Variants in FCN2 observed in about 807,000 individuals in gnomAD.
FCN2 encodes the protein ficolin 2, also known as ficolin-2.
A neutral mutation model predicts 32.5 loss-of-function variants in FCN2; 31 were observed. The observed-to-expected ratio is 0.96, with a 90% CI of 0.72 to 1.29. The LOEUF is 1.29. FCN2 is among the 50% of genes most tolerant of loss of function. FCN2 has a pLI of 0.00. For synonymous variants in FCN2, 181 were observed against 164.5 expected (o/e 1.10, Z -0.77); for missense variants, 412 against 406.5 (o/e 1.01, Z -0.12).
At chr9:134,876,196 C>A (rs1830602313), upstream of FCN2, among the ~76,000 whole-genome samples, 1 of 152,126 alleles carries the variant, frequency 6.6e-6, no homozygotes, top group Non-Finnish European at 1.5e-5. Context: ...ATTGTGGTAT[C>A]TATGTTCATG....
chr9:134,879,206 C>G (rs1357694955), upstream of FCN2, among the ~76,000 whole-genome samples: 2 of 152,202 alleles, frequency 1.3e-5, no homozygotes, highest in Admixed American at 6.5e-5. Flanking sequence ...AAATCAATTA[C>G]TCAATTGGCC....
chr9:134,883,825 G>A (rs1830703205), intron 3 of FCN2, among the ~76,000 whole-genome samples: 1 of 132,222 alleles, frequency 7.6e-6, no homozygotes, highest in Admixed American at 7.8e-5. Flanking sequence ...ATTCGGGGAG[G>A]GACTTTTAGT....
Position 134,882,619 on chromosome 9 carries a change from C to T in FCN2, c.194C>T (p.Ala65Val). The T allele has an allele frequency of 6.2e-7, 1 of 1,613,120 alleles. No individual in the cohort carries two copies. The highest frequency in any genetic ancestry group is 8.5e-7 in the Non-Finnish European group (1 of 1,179,176). The change falls in exon 2 of 8, where the codon GCA (alanine) becomes GTA (valine). Residue 65 changes from alanine to valine, a missense_variant. Physicochemically the swap from Ala to Val is moderately conservative, Grantham distance 64. Transcript: ENST00000291744. ...GGGGCCCCTGGGCCCAAGGGAGAGG[C>T]AGGCACCAATGGAAAGAGAGGTAGG... ...LPGAPGPKGE[A>V]GTNGKRGERG... is the part of the protein sequence containing the mutation.
the FCN2 span, among the ~76,000 whole-genome samples, chr9:134,869,413 C>T: frequency 6.6e-6 from 1 of 152,196 alleles, no homozygotes; most frequent in African/African-American, 2.4e-5. Flanking sequence ...ACCTGTTTTC[C>T]TTCTGATCAG....
At chr9:134,875,551 C>T in the FCN2 span, among the ~76,000 whole-genome samples, 30 of 152,196 alleles carry the variant, frequency 2.0e-4, no homozygotes, top group African/African-American at 6.5e-4. Context: ...TCCCATCTTG[C>T]TGGTCTTGTT....
chr9:134,879,749 T>C (rs1328287752), upstream of FCN2, among the ~76,000 whole-genome samples: 1 of 152,210 alleles, frequency 6.6e-6, no homozygotes, highest in Non-Finnish European at 1.5e-5. Context: ...ATTTTGTTTC[T>C]CGCGTGGCTT....
upstream of FCN2, among the ~76,000 whole-genome samples, chr9:134,876,421 C>A (rs1830604058): frequency 6.6e-6 from 1 of 152,080 alleles, no homozygotes; most frequent in Non-Finnish European, 1.5e-5. Context: ...TTGCTGGGCT[C>A]TCTATTCTGT....
upstream of FCN2, among the ~76,000 whole-genome samples, chr9:134,878,775 G>A (rs542314721): frequency 3.9e-4 from 59 of 152,214 alleles, no homozygotes; most frequent in African/African-American, 1.2e-3. Flanking sequence ...CCCAGGAGGC[G>A]GAGGTTGTGG....
chr9:134,881,555 G>C (rs1830664284), intron 1 of FCN2, among the ~76,000 whole-genome samples: 1 of 152,208 alleles, frequency 6.6e-6, no homozygotes, highest in African/African-American at 2.4e-5. Flanking sequence ...TCTGGAGTCA[G>C]GTCCTGACTC....
chr9:134,884,372 C>T (rs1345716667), intron 3 of FCN2, among the ~76,000 whole-genome samples: 1 of 152,128 alleles, frequency 6.6e-6, no homozygotes, highest in African/African-American at 2.4e-5. Flanking sequence ...ACACCGCAAA[C>T]AACACTCCCC....
chr9:134,874,694 CTG>C, the FCN2 span, among the ~76,000 whole-genome samples: 1 of 152,078 alleles, frequency 6.6e-6, no homozygotes, highest in South Asian at 2.1e-4. Context: ...ATTCTACATC[CTG>C]TGTTTTTCCA....
At chr9:134,879,057 A>T (rs114754331), upstream of FCN2, among the ~76,000 whole-genome samples, 605 of 152,356 alleles carry the variant, frequency 4.0e-3, 2 homozygotes, top group African/African-American at 0.014. Flanking sequence ...ACCTTGTCTA[A>T]CTTTAAAAAA....
upstream of FCN2, among the ~76,000 whole-genome samples, chr9:134,878,330 G>T (rs1414573983): frequency 6.6e-6 from 1 of 152,170 alleles, no homozygotes; most frequent in African/African-American, 2.4e-5. Flanking sequence ...CATGTGCCTT[G>T]CGGGAACTTC....
chr9:134,875,113 T>A, the FCN2 span, among the ~76,000 whole-genome samples: 2 of 152,236 alleles, frequency 1.3e-5, no homozygotes, highest in East Asian at 3.8e-4. Flanking sequence ...TTCTACAGAA[T>A]CATGTCATGT....
chr9:134,880,904 C>A lies in FCN2; in HGVS notation c.83C>A (p.Ala28Glu). 2 of 1,612,862 alleles carry A rather than the reference C, an allele frequency of 1.2e-6. No individual in the cohort carries two copies. The highest frequency in any genetic ancestry group is 3.3e-4 in the Middle Eastern group (2 of 6,054). Reference protein sequence around the residue: ...SFLGMAWALQAADTCPEVKMV... With the variant: ...SFLGMAWALQEADTCPEVKMV... Reference sequence around the variant, plus strand: ...CTGGGCATGGCCTGGGCTCTCCAGGCGGCAGACACCTGTCCAGGTAAGGGC... The same window carrying A: ...CTGGGCATGGCCTGGGCTCTCCAGGAGGCAGACACCTGTCCAGGTAAGGGC... The change falls in exon 1 of 8, where the codon GCG (alanine) becomes GAG (glutamate). Residue 28 changes from alanine to glutamate, a missense_variant. Coordinates refer to ENST00000291744, the MANE Select transcript of FCN2 (RefSeq NM_004108.3).
rs188386016 is a variant in FCN2, at chr9:134,882,901, C to T, written c.214+262C>T. The stretch of plus-strand genomic sequence containing the variant: ...TGATCCAATACCAGCTTTGCTCGGC[C>T]GCTGGCACGACTTCAAGCTCTGTGT... On this transcript the variant is annotated intron_variant, in intron 2 of 7. Transcript: ENST00000291744. Among the ~76,000 whole-genome samples, 781 of 151,792 alleles carry T rather than the reference C, an allele frequency of 5.1e-3. 6 individuals are homozygous for T. Among genetic ancestry groups the T allele is most frequent in the African/African-American group, 0.018 (747 of 41,044 alleles).
intron 1 of FCN2, among the ~76,000 whole-genome samples, chr9:134,881,291 C>T (rs746551743): frequency 3.3e-5 from 5 of 152,308 alleles, no homozygotes; most frequent in Non-Finnish European, 7.4e-5. Flanking sequence ...GTCGCCATCA[C>T]AGAGAGACAG....
the FCN2 span, among the ~76,000 whole-genome samples, chr9:134,872,541 G>A: frequency 6.6e-6 from 1 of 152,152 alleles, no homozygotes; most frequent in East Asian, 1.9e-4. Context: ...GAGGTTTAAT[G>A]GACTCACAGT....
chr9:134,869,948 C>T, the FCN2 span, among the ~76,000 whole-genome samples: 1 of 152,042 alleles, frequency 6.6e-6, no homozygotes, highest in Non-Finnish European at 1.5e-5. Context: ...GAGGGGGGGG[C>T]CCACAAATTC....
Sources: gnomAD v4.1 joint callset for allele counts (sites outside exome capture counted in the v4.1 genomes callset) on GRCh38, gnomAD v4.1.1 for gene constraint, MANE v1.5 for transcripts, NCBI Gene and HGNC (gene_info 2026-07-23, HGNC 2026-07-21) for gene names.